The following SMYD3 variants were observed in gnomAD, a reference collection of about 807,000 sequenced individuals.
SMYD3 encodes SET and MYND domain containing 3.
SMYD3 carries 36 observed loss-of-function variants against 57.7 expected under a neutral mutation model. The ratio of observed to expected loss-of-function variants is 0.62; its 90% confidence interval spans 0.48 to 0.82. The LOEUF is 0.82. Ranked by LOEUF, SMYD3 falls within the 40% of genes least tolerant of loss-of-function variation. SMYD3 has a pLI of 0.00. For synonymous variants in SMYD3, 211 were observed against 195.0 expected, an observed-to-expected ratio of 1.08 and a Z score of -0.68; for missense variants, 515 against 538.8, an observed-to-expected ratio of 0.96 and a Z score of 0.44.
At chr1:246,259,939 A>G (rs2063972644) in intron 5 of SMYD3, among the ~76,000 whole-genome samples, 2 of 152,180 alleles carry the variant, frequency 1.3e-5, no homozygotes, top group South Asian at 4.1e-4. Flanking sequence ...TAAACTCCAA[A>G]TCCAGAAGAG....
chr1:246,371,212 A>G (rs539189564), intron 1 of SMYD3, among the ~76,000 whole-genome samples: 2 of 152,334 alleles, frequency 1.3e-5, no homozygotes, highest in Admixed American at 6.5e-5. Context: ...AAGATTATAC[A>G]CTGCCTGTTG....
At chr1:246,431,597 G>A (rs1274338236) in intron 1 of SMYD3, among the ~76,000 whole-genome samples, 1 of 152,148 alleles carries the variant, frequency 6.6e-6, no homozygotes, top group Non-Finnish European at 1.5e-5. Context: ...AGGCATGCTG[G>A]TGTGCGCCTG....
intron 10 of SMYD3, among the ~76,000 whole-genome samples, chr1:245,818,539 T>C (rs1366260803): frequency 1.3e-5 from 2 of 151,970 alleles, no homozygotes; most frequent in African/African-American, 4.8e-5. Context: ...AATTCACACA[T>C]AACAATATTA....
At chr1:246,321,312 G>T (rs912294902) in intron 5 of SMYD3, among the ~76,000 whole-genome samples, 1 of 152,166 alleles carries the variant, frequency 6.6e-6, no homozygotes, top group African/African-American at 2.4e-5. Context: ...GGGAGCAACA[G>T]TAGTAGAAAT....
chr1:245,817,626 G>C (rs1005601748), intron 10 of SMYD3, among the ~76,000 whole-genome samples: 19 of 151,790 alleles, frequency 1.3e-4, no homozygotes, highest in Non-Finnish European at 2.8e-4. Flanking sequence ...TCAAACCAAA[G>C]GCAAAGAAGT....
intron 10 of SMYD3, among the ~76,000 whole-genome samples, chr1:245,779,176 A>AGAAAAAG (rs55875943): frequency 7.0e-6 from 1 of 143,744 alleles, no homozygotes; most frequent in Non-Finnish European, 1.5e-5. Flanking sequence ...AAAAAAAAAA[A>AGAAAAAG]AAAAAGAAAA....
At chr1:246,464,184 T>C (rs2067850118) in intron 1 of SMYD3, among the ~76,000 whole-genome samples, 1 of 152,074 alleles carries the variant, frequency 6.6e-6, no homozygotes, top group Non-Finnish European at 1.5e-5. Flanking sequence ...TAAGAGCTGA[T>C]GGGAATGTGT....
chr1:246,384,693 G>C (rs1317680673), intron 1 of SMYD3, among the ~76,000 whole-genome samples: 1 of 151,870 alleles, frequency 6.6e-6, no homozygotes, highest in East Asian at 1.9e-4. Context: ...CACTGCACCT[G>C]GTCTAAAAAT....
intron 5 of SMYD3, chr1:246,326,307 A>C: frequency 1.5e-6 from 1 of 651,182 alleles, no homozygotes; most frequent in Non-Finnish European, 2.8e-6. Context: ...TGAGAAAGCG[A>C]GGACAGCAGA....
chr1:246,456,033 T>A (rs1258662950), intron 1 of SMYD3, among the ~76,000 whole-genome samples: 1 of 151,688 alleles, frequency 6.6e-6, no homozygotes, highest in African/African-American at 2.4e-5. Context: ...TAACCTATAT[T>A]AAAACAGTAC....
At chr1:245,800,197 G>A (rs895665935) in intron 10 of SMYD3, among the ~76,000 whole-genome samples, 1 of 152,052 alleles carries the variant, frequency 6.6e-6, no homozygotes, top group Non-Finnish European at 1.5e-5. Flanking sequence ...TCTTCTCTGA[G>A]GCTGGCCAGC....
At chr1:245,825,506 G>A (rs79157179) in intron 10 of SMYD3, among the ~76,000 whole-genome samples, 1,569 of 152,204 alleles carry the variant, frequency 0.01, 15 homozygotes, top group Middle Eastern at 0.02. Context: ...CTAGGTGGGC[G>A]GAGGGCTTCT....
chr1:246,330,256 G>A (rs75066090), intron 4 of SMYD3, among the ~76,000 whole-genome samples: 3 of 152,200 alleles, frequency 2.0e-5, no homozygotes, highest in African/African-American at 7.2e-5. Context: ...ACTACCCCAT[G>A]TAACCTGAAC....
intron 10 of SMYD3, among the ~76,000 whole-genome samples, chr1:245,840,748 G>C (rs905702855): frequency 2.0e-5 from 3 of 147,218 alleles, no homozygotes; most frequent in Non-Finnish European, 4.5e-5. Flanking sequence ...AACAGACATG[G>C]TTAAAAAAAA....
intron 1 of SMYD3, among the ~76,000 whole-genome samples, chr1:246,446,837 G>A (rs2067556972): frequency 6.6e-6 from 1 of 152,058 alleles, no homozygotes; most frequent in African/African-American, 2.4e-5. Context: ...ACACCATCCT[G>A]GCTAACATGA....
At chr1:246,046,651 AT>A (rs1558180218) in intron 5 of SMYD3, among the ~76,000 whole-genome samples, 1 of 147,474 alleles carries the variant, frequency 6.8e-6, no homozygotes, top group Non-Finnish European at 1.5e-5. Flanking sequence ...AAATATATAT[AT>A]TTTATATATT....
intron 5 of SMYD3, among the ~76,000 whole-genome samples, chr1:246,075,832 C>A (rs138249013): frequency 0.017 from 2,552 of 150,704 alleles, 35 homozygotes; most frequent in Non-Finnish European, 0.024. Flanking sequence ...CTGAGGAGTT[C>A]ATATTTTACA....
chr1:245,977,136 T>C (rs912977735), intron 5 of SMYD3, among the ~76,000 whole-genome samples: 18 of 152,252 alleles, frequency 1.2e-4, no homozygotes, highest in Admixed American at 5.2e-4. Context: ...CCATTCTCTA[T>C]ATACTTCTCT....
intron 5 of SMYD3, among the ~76,000 whole-genome samples, chr1:245,945,907 A>C (rs1368299758): frequency 1.3e-5 from 2 of 152,192 alleles, no homozygotes; most frequent in African/African-American, 2.4e-5. Context: ...TGGGAGCTGA[A>C]CATTGAGAAC....
Sources: allele counts gnomAD v4.1 joint callset (sites outside exome capture counted in the v4.1 genomes callset), GRCh38; gene constraint gnomAD v4.1.1; transcripts MANE v1.5; gene names NCBI Gene and HGNC (gene_info 2026-07-23, HGNC 2026-07-21).